The following UQCRFS1 variants were observed in gnomAD, a reference collection of about 807,000 sequenced individuals.
The protein encoded by UQCRFS1 is ubiquinol-cytochrome c reductase, Rieske iron-sulfur polypeptide 1.
A neutral mutation model predicts 15.6 loss-of-function variants in UQCRFS1; 6 were observed. The ratio of observed to expected loss-of-function variants is 0.38; its 90% CI spans 0.21 to 0.76. The LOEUF (loss-of-function observed/expected upper bound fraction) is 0.76, where lower values mean the gene tolerates loss of function less well. Ranked by LOEUF, UQCRFS1 falls within the 30% of genes least tolerant of loss-of-function variation. The pLI is 0.44. For missense variants in UQCRFS1, 203 were observed against 366.7 expected (o/e 0.55, Z 3.65); for synonymous variants, 105 against 154.3 (o/e 0.68, Z 2.37).
intron 1 of UQCRFS1, among the ~76,000 whole-genome samples, chr19:29,211,458 C>T (rs1400876907): frequency 6.6e-6 from 1 of 152,224 alleles, no homozygotes; most frequent in Non-Finnish European, 1.5e-5. Flanking sequence ...TGGACAGTTT[C>T]TTCAAAACCC....
chr19:29,205,811 C>T lies in UQCRFS1; in HGVS notation c.*1737G>A, dbSNP rs1440872708. The T allele has an allele frequency of 6.6e-6, 1 of 152,164 alleles. No individual in the cohort carries two copies. The highest frequency in any genetic ancestry group is 1.9e-4 in the East Asian group (1 of 5,200). The allele number at this position is 152,164 out of a possible 1,614,324, so 9.4% of individuals were successfully genotyped here. Reference sequence around the variant, plus strand: ...TTGTCCTGTCACTTGTGGAACAAAGCCTTCTTTAAAAACTAAATGGTCTAC... The same window carrying T: ...TTGTCCTGTCACTTGTGGAACAAAGTCTTCTTTAAAAACTAAATGGTCTAC... On this transcript the variant is annotated 3_prime_UTR_variant, in exon 2 of 2. Transcript: ENST00000304863.
intron 1 of UQCRFS1, among the ~76,000 whole-genome samples, chr19:29,211,094 C>T (rs561204263): frequency 3.3e-5 from 5 of 152,038 alleles, no homozygotes; most frequent in Non-Finnish European, 4.4e-5. Flanking sequence ...TTACAGGCAA[C>T]CTAAAAATTG....
chr19:29,211,113 T>C (rs887250003), intron 1 of UQCRFS1, among the ~76,000 whole-genome samples: 1 of 151,998 alleles, frequency 6.6e-6, no homozygotes, highest in Non-Finnish European at 1.5e-5. Flanking sequence ...TGGGAGAAAA[T>C]TTTTGCAACC....
At position 29,209,344 on chromosome 19, in the gene UQCRFS1, T is replaced by G. The variant is rs117192920; in HGVS notation, c.215-1186A>C. 7.0e-3 allele frequency among the ~76,000 whole-genome samples: 1,074 copies of G among 152,342 alleles called. 19 individuals carry two copies. The highest frequency in any genetic ancestry group is 0.032 in the East Asian group (168 of 5,186). On this transcript the variant is annotated intron_variant, in intron 1 of 1. Coordinates refer to ENST00000304863, the MANE Select transcript of UQCRFS1 (RefSeq NM_006003.3). ...AATAAAGATCTTTTATGATGCATTT[T>G]TATTGTAATAAACTGCAATTCTACC...
chr19:29,208,514 G>A (rs1390790479), intron 1 of UQCRFS1, among the ~76,000 whole-genome samples: 3 of 152,124 alleles, frequency 2.0e-5, no homozygotes, highest in Non-Finnish European at 2.9e-5. Context: ...CAAAGTTTCC[G>A]AAAATTCAAC....
chr19:29,210,123 A>G (rs1599711219), intron 1 of UQCRFS1, among the ~76,000 whole-genome samples: 1 of 152,336 alleles, frequency 6.6e-6, no homozygotes, highest in African/African-American at 2.4e-5. Context: ...TTTAAGGTTG[A>G]GCTCCAATGC....
Position 29,213,004 on chromosome 19 carries a change from C to T in UQCRFS1, c.115G>A (p.Glu39Lys). The part of the protein sequence containing the change: ...LVQATVPATP[E>K]QPVLDLKRPF... ...CGCTTCAGGTCCAACACAGGCTGCTCCGGGGTGGCGGGCACCGTGGCCTGC... is the reference window on the plus strand; with the variant it reads ...CGCTTCAGGTCCAACACAGGCTGCTTCGGGGTGGCGGGCACCGTGGCCTGC... Residue 39 changes from glutamate (E) to lysine (K), a missense_variant, in exon 1 of 2, where the codon GAG becomes AAG. Glu to Lys is a moderately conservative substitution (Grantham distance 56). This residue lies in a region of UQCRFS1 where 92 missense variants were observed against 120.5 expected (regional missense o/e 0.76). Coordinates refer to ENST00000304863, the MANE Select transcript of UQCRFS1 (RefSeq NM_006003.3). The T allele has an allele frequency of 1.4e-6, 2 of 1,410,892 alleles. No homozygotes were observed. Among genetic ancestry groups the T allele is most frequent in the Non-Finnish European group, 1.8e-6 (2 of 1,096,576 alleles). The allele number at this position is 1,410,892 out of a possible 1,614,324, so 87.4% of individuals were successfully genotyped here. A position where few individuals can be genotyped will look rare whatever the true frequency, so the allele number is the denominator to read the frequency against.
Position 29,208,098 on chromosome 19 carries a change from C to A in UQCRFS1, c.275G>T (p.Arg92Leu), listed in dbSNP as rs769965262. 3.7e-6 allele frequency: 6 copies of A among 1,613,936 alleles called. No homozygotes were observed. Among genetic ancestry groups the A allele is most frequent in the Non-Finnish European group, 5.1e-6 (6 of 1,179,984 alleles). ...CGTACTATCTAAAACTTCAAGGCGG[C>A]GGTATTCAGAGAAGTCAGGCACCTT... ...DIKVPDFSEY[R>L]RLEVLDSTKS... is the part of the protein sequence containing the mutation. The change falls in exon 2 of 2, where the codon CGC becomes CTC. Residue 92 changes from arginine (R) to leucine (L), a missense_variant. Coordinates refer to ENST00000304863, the MANE Select transcript of UQCRFS1 (RefSeq NM_006003.3).
intron 1 of UQCRFS1, among the ~76,000 whole-genome samples, chr19:29,212,650 G>A (rs980733561): frequency 6.6e-6 from 1 of 152,192 alleles, no homozygotes; most frequent in Admixed American, 6.5e-5. Context: ...ACCCCTCAGA[G>A]GTGGCTGGAA....
rs908025760 is a variant in UQCRFS1, at chr19:29,205,929, C to T, written c.*1619G>A. ...AGCAATTCCGGCACTAAGTGAGTAC[C>T]TAGAGACCTGCAAACTTCCTACTTC... On this transcript the variant is annotated 3_prime_UTR_variant, in exon 2 of 2. Transcript: ENST00000304863. The T allele has an allele frequency of 6.6e-6, 1 of 152,176 alleles. No homozygotes were observed. Among genetic ancestry groups the T allele is most frequent in the Admixed American group, 6.5e-5 (1 of 15,280 alleles). The allele number at this position is 152,176 out of a possible 1,614,324, so 9.4% of individuals were successfully genotyped here.
rs114988216 is a variant in UQCRFS1, at chr19:29,209,845, T to G, written c.215-1687A>C. ...TATACAAGGAAATGTACAAGAAAAC[T>G]CAATAAAATGGCTTTGCCCTTCTCA... is the stretch of plus-strand genomic sequence containing the variant. On this transcript the variant is annotated intron_variant, in intron 1 of 1. Transcript: ENST00000304863. Among the ~76,000 whole-genome samples the G allele has an allele frequency of 3.6e-3, 542 of 152,196 alleles. 4 individuals are homozygous for G. The highest frequency in any genetic ancestry group is 0.013 in the African/African-American group (524 of 41,530).
At chr19:29,212,820 C>T in intron 1 of UQCRFS1, 85 bp downstream of exon 1, 2 of 1,300,994 alleles carry the variant, frequency 1.5e-6, no homozygotes, top group Non-Finnish European at 9.8e-7. Context: ...TCCGCTCGCG[C>T]GCCCGCGGCC....
Position 29,206,186 on chromosome 19 carries a change from GAATATAA to G in UQCRFS1, c.*1355_*1361del, listed in dbSNP as rs1331027847. On this transcript the variant is annotated 3_prime_UTR_variant, in exon 2 of 2. Transcript: ENST00000304863. ...AGTGCCTCCACTATCTAGAGACACA[GAATATAA>G]AATACTTCTGTGTCCCACCAATTAT... 1 of 150,512 alleles carries G rather than the reference GAATATAA, an allele frequency of 6.6e-6. No individual in the cohort carries two copies. The highest frequency in any genetic ancestry group is 1.5e-5 in the Non-Finnish European group (1 of 67,560). The allele number at this position is 150,512 out of a possible 1,614,324, so 9.3% of individuals were successfully genotyped here. A position where few individuals can be genotyped will look rare whatever the true frequency, so the allele number is the denominator to read the frequency against.
chr19:29,211,506 T>C (rs1345228055), intron 1 of UQCRFS1, among the ~76,000 whole-genome samples: 1 of 152,160 alleles, frequency 6.6e-6, no homozygotes, highest in African/African-American at 2.4e-5. Flanking sequence ...CACAAATACT[T>C]TGCACTAACT....
At chr19:29,209,970 T>C (rs929594157) in intron 1 of UQCRFS1, among the ~76,000 whole-genome samples, 4 of 152,048 alleles carry the variant, frequency 2.6e-5, no homozygotes, top group African/African-American at 9.7e-5. Flanking sequence ...TAAACTGCCC[T>C]GTTGCAAAAA....
intron 1 of UQCRFS1, among the ~76,000 whole-genome samples, chr19:29,210,297 T>A (rs1259956734): frequency 6.6e-6 from 1 of 152,216 alleles, no homozygotes; most frequent in East Asian, 1.9e-4. Context: ...AAAAGGTTTT[T>A]GCCTTATGGT....
chr19:29,213,151 C>T lies in UQCRFS1; in HGVS notation c.-33G>A. ...GCCGCTCCAACCGCCAAGCCGGTCA[C>T]AGGGACGACCTTCCAACCACGGCGC... is the stretch of plus-strand genomic sequence containing the variant. On this transcript the variant is annotated 5_prime_UTR_variant, in exon 1 of 2. It adds an upstream start codon to the 5' untranslated region. Coordinates refer to ENST00000304863, the MANE Select transcript of UQCRFS1 (RefSeq NM_006003.3). 6.6e-7 allele frequency: 1 copy of T among 1,516,970 alleles called. No homozygotes were observed. Among genetic ancestry groups the T allele is most frequent in the Non-Finnish European group, 8.8e-7 (1 of 1,137,340 alleles). The allele number at this position is 1,516,970 out of a possible 1,614,324, so 94.0% of individuals were successfully genotyped here.
At chr19:29,212,246 C>A (rs1287546122) in intron 1 of UQCRFS1, among the ~76,000 whole-genome samples, 1 of 152,198 alleles carries the variant, frequency 6.6e-6, no homozygotes, top group Non-Finnish European at 1.5e-5. Context: ...ATGTCCACAC[C>A]ACGGATCCTG....
At chr19:29,211,625 G>C (rs1976650601) in intron 1 of UQCRFS1, among the ~76,000 whole-genome samples, 1 of 152,208 alleles carries the variant, frequency 6.6e-6, no homozygotes, top group Non-Finnish European at 1.5e-5. Context: ...AATACAGAGT[G>C]TAAAGTGTAT....
Sources: allele counts gnomAD v4.1 joint callset (sites outside exome capture counted in the v4.1 genomes callset), GRCh38; gene constraint gnomAD v4.1.1; regional missense constraint gnomAD v4.1.1; transcripts MANE v1.5; gene names NCBI Gene and HGNC (gene_info 2026-07-23, HGNC 2026-07-21).